SMG6: variants seen among roughly 807,000 people sequenced by gnomAD.
SMG6 encodes the protein telomerase-binding protein EST1A.
Under a neutral mutation model 142.2 loss-of-function variants are expected in SMG6, and 66 were observed. That is an observed-to-expected ratio of 0.46 (90% CI 0.38 to 0.57). SMG6 has a LOEUF of 0.57. Ranked by LOEUF, SMG6 falls within the 20% of genes least tolerant of loss-of-function variation. The pLI, the probability that SMG6 is intolerant of heterozygous loss-of-function variation, is 0.00. For synonymous variants in SMG6, 779 were observed against 702.4 expected, an observed-to-expected ratio of 1.11 and a Z score of -1.72; for missense variants, 1,793 against 1,832.0, an observed-to-expected ratio of 0.98 and a Z score of 0.39.
chr17:2,084,326 G>A (rs2068500008), intron 14 of SMG6, among the ~76,000 whole-genome samples: 1 of 152,226 alleles, frequency 6.6e-6, no homozygotes, highest in South Asian at 2.1e-4. Flanking sequence ...GCTTTAGCAA[G>A]CCTGCTGTCC....
chr17:2,073,176 C>CA (rs911381308), intron 15 of SMG6, among the ~76,000 whole-genome samples: 1 of 151,960 alleles, frequency 6.6e-6, no homozygotes, highest in Non-Finnish European at 1.5e-5. Context: ...CTCTGCCTCT[C>CA]AGATTCAAGC....
intron 13 of SMG6, among the ~76,000 whole-genome samples, chr17:2,098,632 T>TTTG (rs532967159): frequency 7.6e-4 from 115 of 152,238 alleles, no homozygotes; most frequent in African/African-American, 2.4e-3. Context: ...TTACATACTT[T>TTTG]TTGTTGTTGT....
At chr17:2,218,136 C>T (rs1349286030) in intron 10 of SMG6, among the ~76,000 whole-genome samples, 9 of 152,196 alleles carry the variant, frequency 5.9e-5, no homozygotes, top group African/African-American at 1.9e-4. Context: ...ACAGCCTACT[C>T]TCTTGCTGTT....
chr17:2,205,269 A>G (rs2072643939), intron 10 of SMG6, among the ~76,000 whole-genome samples: 1 of 151,950 alleles, frequency 6.6e-6, no homozygotes, highest in African/African-American at 2.4e-5. Flanking sequence ...GAGTTTCACC[A>G]TGTTGGCCAG....
intron 6 of SMG6, among the ~76,000 whole-genome samples, chr17:2,286,877 A>G (rs2074916474): frequency 1.3e-5 from 2 of 152,198 alleles, no homozygotes; most frequent in East Asian, 3.9e-4. Flanking sequence ...TAGCATCCAG[A>G]ATATATAAAG....
At chr17:2,280,633 A>AGAAAATT (rs1315625335) in intron 8 of SMG6, 1 of 976,480 alleles carries the variant, frequency 1.0e-6, no homozygotes, top group Admixed American at 6.2e-5. Flanking sequence ...TTAAATTTAA[A>AGAAAATT]GAAAATTAAG....
chr17:2,259,140 T>C (rs1190931728), intron 8 of SMG6, among the ~76,000 whole-genome samples: 1 of 151,450 alleles, frequency 6.6e-6, no homozygotes, highest in East Asian at 1.9e-4. Context: ...AGAATGTTTC[T>C]ATAAAGACCA....
chr17:2,193,074 C>T (rs1274750274), intron 10 of SMG6, among the ~76,000 whole-genome samples: 1 of 152,156 alleles, frequency 6.6e-6, no homozygotes. Context: ...GAATATTTGT[C>T]CCCACCCAAA....
intron 12 of SMG6, chr17:2,173,118 G>C (rs1324891528): frequency 2.1e-6 from 1 of 486,050 alleles, no homozygotes; most frequent in Non-Finnish European, 3.7e-6. Context: ...AAAGAATTTG[G>C]AGACTCAGTT....
rs2075233498 is a variant in SMG6, at chr17:2,299,830, C to A, written c.923G>T (p.Arg308Ile). Reference sequence around the variant, plus strand: ...TCCTAATCCATCAGGCTCATCAATTCTGTCCTCGTCTAAGGAATCGGTTGA... The same window carrying A: ...TCCTAATCCATCAGGCTCATCAATTATGTCCTCGTCTAAGGAATCGGTTGA... Reference protein sequence around the residue: ...VSSTDSLDEDRIDEPDGLGPR... With the variant: ...VSSTDSLDEDIIDEPDGLGPR... Residue 308 changes from arginine (R) to isoleucine (I), a missense_variant, in exon 2 of 19, where the codon AGA (arginine) becomes ATA (isoleucine). Physicochemically the swap from Arg to Ile is moderately conservative, Grantham distance 97. Coordinates refer to ENST00000263073, the MANE Select transcript of SMG6 (RefSeq NM_017575.5). The surrounding 1 kb of genome is among the most constrained non-coding windows in gnomAD (Gnocchi z 4.3). 6.2e-7 allele frequency: 1 copy of A among 1,614,090 alleles called. No homozygotes were observed.
At chr17:2,143,136 T>C (rs543717651) in intron 13 of SMG6, among the ~76,000 whole-genome samples, 21 of 152,286 alleles carry the variant, frequency 1.4e-4, no homozygotes, top group African/African-American at 5.1e-4. Context: ...ATGTAAAATG[T>C]TGCAGCTGCT....
intron 12 of SMG6, among the ~76,000 whole-genome samples, chr17:2,183,414 G>GAATGTGAC (rs1391553876): frequency 6.6e-6 from 1 of 152,122 alleles, no homozygotes; most frequent in African/African-American, 2.4e-5. Flanking sequence ...ACACAAAGAA[G>GAATGTGAC]AATGTGACAC....
intron 8 of SMG6, among the ~76,000 whole-genome samples, chr17:2,262,296 CT>C (rs2074333581): frequency 6.6e-6 from 1 of 152,224 alleles, no homozygotes; most frequent in Admixed American, 6.5e-5. Flanking sequence ...GTGAGTCAAC[CT>C]TTGCTAATAC....
chr17:2,287,686 GTATA>G (rs2074937673), intron 6 of SMG6, among the ~76,000 whole-genome samples: 1 of 152,146 alleles, frequency 6.6e-6, no homozygotes, highest in African/African-American at 2.4e-5. Context: ...ATAAAATGTG[GTATA>G]TATACACAAT....
chr17:2,076,907 C>G (rs2068274755), intron 15 of SMG6, among the ~76,000 whole-genome samples: 1 of 152,134 alleles, frequency 6.6e-6, no homozygotes, highest in Non-Finnish European at 1.5e-5. Flanking sequence ...AGGAGCTGAT[C>G]AGGAGAACAG....
rs180691484 is a variant in SMG6 at position 2,168,536 on chromosome 17, T to G, written c.3357+4122A>C. Reference sequence around the variant, plus strand: ...AGTTCCTAAAGATTCAACTCCTAGGTTGGCCATGGAAATGACCCATGTGAG... The same window carrying G: ...AGTTCCTAAAGATTCAACTCCTAGGGTGGCCATGGAAATGACCCATGTGAG... On this transcript the variant is annotated intron_variant, in intron 13 of 18. Coordinates refer to ENST00000263073, the MANE Select transcript of SMG6 (RefSeq NM_017575.5). 2.6e-3 allele frequency among the ~76,000 whole-genome samples: 392 copies of G among 152,268 alleles called. 1 individual carries two copies. Among genetic ancestry groups the G allele is most frequent in the Non-Finnish European group, 4.6e-3 (315 of 68,024 alleles).
At chr17:2,273,393 G>A (rs1355531195) in intron 8 of SMG6, among the ~76,000 whole-genome samples, 1 of 152,182 alleles carries the variant, frequency 6.6e-6, no homozygotes, top group Non-Finnish European at 1.5e-5. Flanking sequence ...GGGGACAGTG[G>A]CTCACGCCTG....
intron 8 of SMG6, among the ~76,000 whole-genome samples, chr17:2,251,207 G>A (rs7219186): frequency 0.068 from 10,241 of 151,158 alleles, 1,128 homozygotes; most frequent in African/African-American, 0.23. Context: ...TAATCATTCA[G>A]TAAAGACAGA....
rs745663931 is a variant in SMG6 at position 2,299,179 on chromosome 17, T to C, written c.1574A>G (p.Tyr525Cys). Residue 525 changes from tyrosine (Y) to cysteine (C), a missense_variant, in exon 2 of 19, where the codon TAT (tyrosine) becomes TGT (cysteine). By Grantham distance (194) the Tyr-to-Cys change is radical. Coordinates refer to ENST00000263073, the MANE Select transcript of SMG6 (RefSeq NM_017575.5). The surrounding 1 kb of genome is among the most constrained non-coding windows in gnomAD (Gnocchi z 4.3). ...GCCCACTGGGTACTGTAGAGGGTTA[T>C]AGCCCGTATAGGGATACTGGGAGGC... is the stretch of plus-strand genomic sequence containing the variant. ...GPASQYPYTG[Y>C]NPLQYPVGPT... 4 of 1,613,234 alleles carry C rather than the reference T, an allele frequency of 2.5e-6. No individual in the cohort carries two copies. In the South Asian group the frequency reaches 3.3e-5, roughly 13 times the overall value.
Sources: allele counts gnomAD v4.1 joint callset (sites outside exome capture counted in the v4.1 genomes callset), GRCh38; gene constraint gnomAD v4.1.1; non-coding constraint Gnocchi (gnomAD v3.1); transcripts MANE v1.5; gene names NCBI Gene and HGNC (gene_info 2026-07-23, HGNC 2026-07-21).